The following RBFOX1 variants were observed in gnomAD, a reference collection of about 807,000 sequenced individuals.
RBFOX1 encodes RNA binding protein fox-1 homolog 1.
In RBFOX1, 8 loss-of-function variants were observed where a neutral mutation model predicts 57.7. The observed-to-expected ratio is 0.14, with a 90% confidence interval of 0.08 to 0.25. RBFOX1 has a LOEUF of 0.25. RBFOX1 is among the 10% of genes least tolerant of loss of function. The pLI, the probability that RBFOX1 is intolerant of heterozygous loss-of-function variation, is 1.00. For missense variants in RBFOX1, 611 were observed against 548.5 expected, an observed-to-expected ratio of 1.11 and a Z score of -1.14; for synonymous variants, 326 against 222.4, an observed-to-expected ratio of 1.47 and a Z score of -4.15.
chr16:5,399,343 G>A (rs1332849702), intron 1 of RBFOX1, among the ~76,000 whole-genome samples: 1 of 152,190 alleles, frequency 6.6e-6, no homozygotes, highest in Non-Finnish European at 1.5e-5. Context: ...AGATATTGGA[G>A]TAGGATAGAA....
At chr16:7,602,213 T>C (rs1158553072) in intron 9 of RBFOX1, among the ~76,000 whole-genome samples, 3 of 152,190 alleles carry the variant, frequency 2.0e-5, no homozygotes, top group African/African-American at 4.8e-5. Flanking sequence ...CAGCATATTT[T>C]AGAAATACTG....
chr16:7,202,799 A>G (rs909789520), intron 4 of RBFOX1, among the ~76,000 whole-genome samples: 1 of 152,186 alleles, frequency 6.6e-6, no homozygotes, highest in Non-Finnish European at 1.5e-5. Context: ...ATCCCCTGCA[A>G]CAGCCCCCCA....
In RBFOX1 at chr16:6,563,916, G is replaced by GTA. The variant is rs35294158; in HGVS notation, c.-63-90675_-63-90674dup. Among the ~76,000 whole-genome samples, 710 of 151,178 alleles carry GTA rather than the reference G, an allele frequency of 4.7e-3. 4 individuals are homozygous for GTA. The highest frequency in any genetic ancestry group is 0.012 in the African/African-American group (491 of 41,240). On this transcript the variant is annotated intron_variant, in intron 2 of 15. Transcript: ENST00000550418. ...TATATGTGCGTATATGTGTGTGTGTGTATATATATATATCCCATTAGGTCT... is the reference window on the plus strand; with the variant it reads ...TATATGTGCGTATATGTGTGTGTGTGTATATATATATATATCCCATTAGGTCT...
chr16:7,570,171 T>G (rs1047524285), intron 5 of RBFOX1, among the ~76,000 whole-genome samples: 1 of 147,320 alleles, frequency 6.8e-6, no homozygotes, highest in Non-Finnish European at 1.5e-5. Context: ...TACTTTTTTT[T>G]TTTTTTTAAA....
At chr16:5,720,048 C>T (rs2051870038) in intron 3 of RBFOX1, among the ~76,000 whole-genome samples, 1 of 152,022 alleles carries the variant, frequency 6.6e-6, no homozygotes, top group Admixed American at 6.5e-5. Context: ...ATAAATGAAG[C>T]TTCAATTTTT....
intron 3 of RBFOX1, among the ~76,000 whole-genome samples, chr16:7,041,166 C>A (rs750443131): frequency 6.8e-6 from 1 of 146,712 alleles, no homozygotes; most frequent in African/African-American, 2.5e-5. Context: ...GAACATCTGA[C>A]CTCATGATCC....
chr16:5,872,110 A>G (rs1170985743), intron 4 of RBFOX1, among the ~76,000 whole-genome samples: 1 of 152,210 alleles, frequency 6.6e-6, no homozygotes, highest in Non-Finnish European at 1.5e-5. Flanking sequence ...CATTAAAAAT[A>G]TTCTTACCTA....
intron 1 of RBFOX1, among the ~76,000 whole-genome samples, chr16:5,264,225 A>C (rs1169448690): frequency 5.9e-5 from 9 of 152,142 alleles, no homozygotes; most frequent in Admixed American, 5.9e-4. Flanking sequence ...AGAGCTTTAC[A>C]GTGATGATGA....
intron 4 of RBFOX1, among the ~76,000 whole-genome samples, chr16:7,207,561 G>C (rs562179547): frequency 3.9e-5 from 6 of 152,246 alleles, no homozygotes; most frequent in African/African-American, 1.2e-4. Context: ...TTGGATTAAC[G>C]ACTGATCTTG....
intron 3 of RBFOX1, among the ~76,000 whole-genome samples, chr16:6,722,690 G>C (rs1048024176): frequency 1.3e-5 from 2 of 152,154 alleles, no homozygotes; most frequent in South Asian, 2.1e-4. Flanking sequence ...CTCTCTTGCA[G>C]TTGCACAACC....
At chr16:7,694,359 C>G (rs1051137286) in intron 14 of RBFOX1, among the ~76,000 whole-genome samples, 3 of 152,176 alleles carry the variant, frequency 2.0e-5, no homozygotes, top group African/African-American at 7.2e-5. Context: ...ATGTTTCACT[C>G]CCTATTTACT....
intron 1 of RBFOX1, among the ~76,000 whole-genome samples, chr16:5,438,284 G>A (rs74639253): frequency 2.0e-5 from 3 of 152,302 alleles, no homozygotes; most frequent in African/African-American, 7.2e-5. Context: ...AGGGTTGTGG[G>A]TGTGTCTAGG....
At chr16:6,250,037 C>T (rs1251476900) in intron 1 of RBFOX1, among the ~76,000 whole-genome samples, 6 of 152,122 alleles carry the variant, frequency 3.9e-5, no homozygotes, top group Middle Eastern at 3.4e-3. Flanking sequence ...GCTGACTAAG[C>T]AGGAGGTGAT....
chr16:7,377,211 A>G (rs1012143650), intron 4 of RBFOX1, among the ~76,000 whole-genome samples: 1 of 152,160 alleles, frequency 6.6e-6, no homozygotes, highest in African/African-American at 2.4e-5. Context: ...TATTCCATTC[A>G]TGGAGATTTG....
At chr16:6,292,388 A>G (rs866821348) in intron 1 of RBFOX1, among the ~76,000 whole-genome samples, 2 of 151,504 alleles carry the variant, frequency 1.3e-5, no homozygotes, top group African/African-American at 2.4e-5. Context: ...TTTTTTTAAG[A>G]AAAACCTAAT....
intron 1 of RBFOX1, among the ~76,000 whole-genome samples, chr16:6,200,226 C>T (rs1373916040): frequency 4.6e-5 from 7 of 152,290 alleles, no homozygotes; most frequent in East Asian, 1.9e-4. Context: ...ATCAGAGCTG[C>T]GGCCTCAAGA....
At chr16:7,051,558 C>T (rs1462562210) in intron 3 of RBFOX1, among the ~76,000 whole-genome samples, 1 of 152,230 alleles carries the variant, frequency 6.6e-6, no homozygotes, top group Non-Finnish European at 1.5e-5. Flanking sequence ...GGACTTACTA[C>T]CATCTGATTA....
intron 4 of RBFOX1, among the ~76,000 whole-genome samples, chr16:7,230,278 A>G (rs1317406974): frequency 6.6e-6 from 1 of 152,118 alleles, no homozygotes; most frequent in Admixed American, 6.5e-5. Context: ...AACAGAAAGT[A>G]CCTGCCGTCG....
intron 1 of RBFOX1, among the ~76,000 whole-genome samples, chr16:5,404,783 A>T (rs2066816366): frequency 6.6e-6 from 1 of 152,244 alleles, no homozygotes; most frequent in African/African-American, 2.4e-5. Context: ...GAGGAATCAG[A>T]TAAGACAGCT....
Sources: allele counts gnomAD v4.1 joint callset (sites outside exome capture counted in the v4.1 genomes callset), GRCh38; gene constraint gnomAD v4.1.1; transcripts MANE v1.5; gene names NCBI Gene and HGNC (gene_info 2026-07-23, HGNC 2026-07-21).